The following CMKLR2 variants were observed in gnomAD, a reference collection of about 807,000 sequenced individuals.
CMKLR2 encodes chemerin chemokine-like receptor 2, also known as chemerin-like receptor 2.
A neutral mutation model predicts 23.0 loss-of-function variants in CMKLR2; 18 were observed. The observed-to-expected ratio is 0.78, with a 90% confidence interval of 0.54 to 1.16. The LOEUF (loss-of-function observed/expected upper bound fraction) is 1.16. Ranked by LOEUF, CMKLR2 falls within the 50% of genes most tolerant of loss-of-function variation. CMKLR2 has a pLI of 0.00. For synonymous variants in CMKLR2, 158 were observed against 158.9 expected (o/e 0.99, Z 0.05); for missense variants, 401 against 412.7 (o/e 0.97, Z 0.25).
intron 1 of CMKLR2, among the ~76,000 whole-genome samples, chr2:206,188,096 G>A (rs1427403611): frequency 2.0e-5 from 3 of 152,062 alleles, no homozygotes; most frequent in Non-Finnish European, 2.9e-5. Context: ...ACCACACCTG[G>A]CTAATTTTTG....
chr2:206,189,695 G>T (rs1001395364), intron 1 of CMKLR2, among the ~76,000 whole-genome samples: 1 of 151,698 alleles, frequency 6.6e-6, no homozygotes, highest in Non-Finnish European at 1.5e-5. Flanking sequence ...ACACAAGAGA[G>T]AAATTCTCCA....
chr2:206,195,168 G>C (rs1180084854), intron 1 of CMKLR2, among the ~76,000 whole-genome samples: 1 of 152,136 alleles, frequency 6.6e-6, no homozygotes, highest in Non-Finnish European at 1.5e-5. Flanking sequence ...TCTGCAAAAT[G>C]GACATTGGAG....
chr2:206,201,566 GTGATTT>G (rs1689097758), intron 1 of CMKLR2, among the ~76,000 whole-genome samples: 1 of 151,914 alleles, frequency 6.6e-6, no homozygotes, highest in African/African-American at 2.4e-5. Context: ...GACCTGGTCT[GTGATTT>G]AAACAACCTA....
chr2:206,211,862 G>A (rs1467154058), intron 1 of CMKLR2, among the ~76,000 whole-genome samples: 1 of 125,712 alleles, frequency 8.0e-6, no homozygotes, highest in African/African-American at 3.0e-5. Flanking sequence ...CTAGGGTTAG[G>A]TTCTGGTTGC....
chr2:206,212,265 A>G (rs960243771), intron 1 of CMKLR2, among the ~76,000 whole-genome samples: 2 of 152,214 alleles, frequency 1.3e-5, no homozygotes, highest in African/African-American at 4.8e-5. Flanking sequence ...CTTAAATCAG[A>G]TAAAATCATA....
upstream of CMKLR2, among the ~76,000 whole-genome samples, chr2:206,216,949 G>C (rs544550195): frequency 6.6e-6 from 1 of 152,118 alleles, no homozygotes; most frequent in Non-Finnish European, 1.5e-5. Context: ...TCTCTTTCTT[G>C]CATGACGTTA....
chr2:206,188,849 A>G (rs1688662860), intron 1 of CMKLR2, among the ~76,000 whole-genome samples: 1 of 152,216 alleles, frequency 6.6e-6, no homozygotes, highest in African/African-American at 2.4e-5. Flanking sequence ...TCTTTTCTGA[A>G]TAAATAAATT....
intron 1 of CMKLR2, among the ~76,000 whole-genome samples, chr2:206,206,641 T>A (rs1397429169): frequency 1.3e-5 from 2 of 152,218 alleles, no homozygotes; most frequent in Non-Finnish European, 2.9e-5. Context: ...ACTACATATG[T>A]GGAGGCTTAT....
intron 1 of CMKLR2, among the ~76,000 whole-genome samples, chr2:206,196,046 C>G (rs949288409): frequency 1.2e-4 from 18 of 151,996 alleles, no homozygotes; most frequent in Admixed American, 1.0e-3. Flanking sequence ...TTCTTAACCA[C>G]CAGGCATTTG....
At position 206,188,078 on chromosome 2, in the gene CMKLR2, C is replaced by T. The variant is rs113273375; in HGVS notation, c.-28-10803G>A. Among the ~76,000 whole-genome samples, 984 of 152,078 alleles carry T rather than the reference C, an allele frequency of 6.5e-3. 8 individuals are homozygous for T. The highest frequency in any genetic ancestry group is 0.023 in the African/African-American group (939 of 41,466). ...CCTCCCAAGTAGCTGGGATTACAGG[C>T]GTGTGCCACCACACCTGGCTAATTT... is the stretch of plus-strand genomic sequence containing the variant. On this transcript the variant is annotated intron_variant, in intron 1 of 1. Transcript: ENST00000621141.
rs1484918574 is a variant in CMKLR2 at position 206,177,253 on chromosome 2, T to C, written c.-6A>G. On this transcript the variant is annotated 5_prime_UTR_variant, in exon 2 of 2. Transcript: ENST00000621141. Reference sequence around the variant, plus strand: ...GTTTCCTCCAAATCTTCCATGACCTTGCTAAATGGAGAATGAAGAAATCTG... The same window carrying C: ...GTTTCCTCCAAATCTTCCATGACCTCGCTAAATGGAGAATGAAGAAATCTG... The C allele has an allele frequency of 1.3e-6, 2 of 1,513,300 alleles. No homozygotes were observed. The highest frequency in any genetic ancestry group is 4.5e-5 in the East Asian group (2 of 44,012). 93.7% of individuals were successfully genotyped at this position (1,513,300 alleles called of 1,614,324 possible).
chr2:206,193,844 T>G (rs774297446), intron 1 of CMKLR2, among the ~76,000 whole-genome samples: 5 of 152,178 alleles, frequency 3.3e-5, no homozygotes, highest in Non-Finnish European at 5.9e-5. Context: ...GGGAACATGG[T>G]GGAAATTTGT....
At chr2:206,202,909 C>T (rs1689153856) in intron 1 of CMKLR2, among the ~76,000 whole-genome samples, 1 of 152,032 alleles carries the variant, frequency 6.6e-6, no homozygotes, top group African/African-American at 2.4e-5. Context: ...TTGCGGACAC[C>T]TCCCAAACTC....
chr2:206,213,046 T>G (rs1689627952), intron 1 of CMKLR2, among the ~76,000 whole-genome samples: 1 of 152,202 alleles, frequency 6.6e-6, no homozygotes, highest in Non-Finnish European at 1.5e-5. Context: ...CCCAGCAACA[T>G]GCTCATTTTC....
At chr2:206,189,682 T>C (rs372895727) in intron 1 of CMKLR2, among the ~76,000 whole-genome samples, 1 of 150,706 alleles carries the variant, frequency 6.6e-6, no homozygotes, top group South Asian at 2.1e-4. Context: ...AAAGAATTGA[T>C]GGACACAAGA....
chr2:206,187,562 A>G (rs759925255), intron 1 of CMKLR2, among the ~76,000 whole-genome samples: 9 of 152,158 alleles, frequency 5.9e-5, no homozygotes, highest in Non-Finnish European at 1.0e-4. Context: ...GCCTATAGAG[A>G]TGTTTCTTTA....
At chr2:206,197,066 C>T (rs1054071871) in intron 1 of CMKLR2, among the ~76,000 whole-genome samples, 8 of 152,112 alleles carry the variant, frequency 5.3e-5, no homozygotes, top group East Asian at 1.9e-4. Flanking sequence ...CGCACCACCA[C>T]GCCCAGCTAA....
At chr2:206,198,410 A>G (rs1172355698) in intron 1 of CMKLR2, among the ~76,000 whole-genome samples, 1 of 152,176 alleles carries the variant, frequency 6.6e-6, no homozygotes, top group Non-Finnish European at 1.5e-5. Flanking sequence ...TGGAAAATAC[A>G]GGTGACATCT....
At chr2:206,216,848 T>C (rs1283156818), upstream of CMKLR2, among the ~76,000 whole-genome samples, 1 of 152,180 alleles carries the variant, frequency 6.6e-6, no homozygotes, top group East Asian at 1.9e-4. Context: ...AAGTGGGTCA[T>C]CCCCTCCCCT....
Sources: gnomAD v4.1 joint callset for allele counts (sites outside exome capture counted in the v4.1 genomes callset) on GRCh38, gnomAD v4.1.1 for gene constraint, MANE v1.5 for transcripts, NCBI Gene and HGNC (gene_info 2026-07-23, HGNC 2026-07-21) for gene names.